MICALL2: variants seen among roughly 807,000 people sequenced by gnomAD.
MICALL2 encodes the protein MICAL-like protein 2.
Under a neutral mutation model 91.1 loss-of-function variants are expected in MICALL2, and 111 were observed. The observed-to-expected ratio is 1.22, with a 90% confidence interval of 1.04 to 1.43. The LOEUF (loss-of-function observed/expected upper bound fraction) is 1.43, where lower values mean the gene tolerates loss of function less well. Among genes scored for constraint, MICALL2 ranks in the 40% most tolerant of loss-of-function variants. The pLI is 0.00. For missense variants in MICALL2, 1,556 were observed against 1,236.0 expected (o/e 1.26, Z -3.88); for synonymous variants, 694 against 525.3 (o/e 1.32, Z -4.39).
chr7:1,440,411 C>T lies in MICALL2; in HGVS notation c.1805+180G>A. 5 of 658,666 alleles carry T rather than the reference C, an allele frequency of 7.6e-6. 1 individual carries two copies. The highest frequency in any genetic ancestry group is 5.3e-5 in the South Asian group (3 of 56,668). 40.8% of individuals were successfully genotyped at this position (658,666 alleles called of 1,614,324 possible). On this transcript the variant is annotated intron_variant, in intron 8 of 16. Transcript: ENST00000297508. ...TGCCCAGGTGAGACACGCAACGCTGCCCCCAAACCAGGGACAGCGGCCCCC... is the reference window on the plus strand; with the variant it reads ...TGCCCAGGTGAGACACGCAACGCTGTCCCCAAACCAGGGACAGCGGCCCCC...
chr7:1,437,758 G>T (rs559102742), intron 13 of MICALL2, 132 bp downstream of exon 13: 3 of 1,222,462 alleles, frequency 2.5e-6, no homozygotes, highest in South Asian at 2.6e-5. Flanking sequence ...CACCCAGACC[G>T]CAACGAGGTC....
At position 1,436,893 on chromosome 7, in the gene MICALL2, CACT is replaced by C. The variant is rs540832606; in HGVS notation, c.2477-40_2477-38del. 4,271 of 1,434,672 alleles carry C rather than the reference CACT, an allele frequency of 3.0e-3. 11 individuals are homozygous for C. Among genetic ancestry groups the C allele is most frequent in the Non-Finnish European group, 3.4e-3 (3,669 of 1,065,626 alleles). The allele number at this position is 1,434,672 out of a possible 1,614,324, so 88.9% of individuals were successfully genotyped here. ...GCTCGTCAGCAGGAGCCCCCCCCAC[CACT>C]GCCATGCCCCTCACAGGACACAATG... On this transcript the variant is annotated intron_variant, in intron 14 of 16. Transcript: ENST00000297508.
At chr7:1,435,615 G>A (rs554099239) in intron 15 of MICALL2, among the ~76,000 whole-genome samples, 22 of 152,360 alleles carry the variant, frequency 1.4e-4, no homozygotes, top group Non-Finnish European at 2.4e-4. Context: ...GCTCCCAGAG[G>A]GTCTCATAGA....
At chr7:1,456,064 C>A (rs543117379) in intron 1 of MICALL2, among the ~76,000 whole-genome samples, 1 of 151,952 alleles carries the variant, frequency 6.6e-6, no homozygotes, top group South Asian at 2.1e-4. Context: ...TCCAGAGGTA[C>A]GGCAGGGAGC....
intron 5 of MICALL2, 150 bp downstream of exon 5, chr7:1,446,563 G>T (rs1284880839): frequency 5.1e-6 from 3 of 585,050 alleles, no homozygotes. Flanking sequence ...GAGGGGAGAC[G>T]GGGAGGGGGA....
intron 5 of MICALL2, 135 bp from the exon 6 acceptor site, chr7:1,445,563 C>A (rs1393823340): frequency 2.5e-6 from 2 of 790,674 alleles, no homozygotes; most frequent in East Asian, 5.4e-5. Flanking sequence ...CCCCGCCACG[C>A]ATTCACCACG....
rs953641218 is a variant in MICALL2 at position 1,452,974 on chromosome 7, C to T, written c.144-2686G>A. On this transcript the variant is annotated intron_variant, in intron 1 of 16. Coordinates refer to ENST00000297508, the MANE Select transcript of MICALL2 (RefSeq NM_182924.4). This position sits in a 1 kb window ranked among gnomAD's most constrained non-coding sequence, Gnocchi z 6.2. ...AGAACAGCTTTTCCCACACTCCGCC[C>T]GATGCACCCGCCAGGCCCTCCCCAG... Among the ~76,000 whole-genome samples, 4 of 151,880 alleles carry T rather than the reference C, an allele frequency of 2.6e-5. No individual in the cohort carries two copies. The highest frequency in any genetic ancestry group is 1.3e-4 in the Admixed American group (2 of 15,250).
chr7:1,435,907 C>T (rs903834242), intron 15 of MICALL2, among the ~76,000 whole-genome samples: 4 of 151,754 alleles, frequency 2.6e-5, no homozygotes, highest in African/African-American at 9.7e-5. Flanking sequence ...AAAAAATTAG[C>T]CGGGTGTGGT....
chr7:1,435,534 G>C (rs1028256873), intron 15 of MICALL2, among the ~76,000 whole-genome samples: 2 of 152,230 alleles, frequency 1.3e-5, no homozygotes, highest in African/African-American at 4.8e-5. Flanking sequence ...TGGGACAGGA[G>C]GGCCTGGGCC....
In MICALL2 at chr7:1,436,551, C is replaced by CAAAAAAAAAAAA. The variant is rs59955608; in HGVS notation, c.2591+179_2591+190dup. 1.7e-3 allele frequency among the ~76,000 whole-genome samples: 130 copies of CAAAAAAAAAAAA among 74,444 alleles called. 1 individual carries two copies. Among genetic ancestry groups the CAAAAAAAAAAAA allele is most frequent in the Non-Finnish European group, 2.0e-3 (72 of 36,570 alleles). The allele number at this position is 74,444 out of a possible 152,430, so 48.8% of individuals were successfully genotyped here. A position where few individuals can be genotyped will look rare whatever the true frequency, so the allele number is the denominator to read the frequency against. ...CTGGTGACAGAGCAAGACTCTGTCT[C>CAAAAAAAAAAAA]AAAAAAAAAAAAAAAAAAGACTTCA... On this transcript the variant is annotated intron_variant, in intron 15 of 16. Transcript: ENST00000297508.
intron 7 of MICALL2, 31 bp from the exon 8 acceptor site, chr7:1,440,715 G>A (rs756577848): frequency 1.3e-6 from 2 of 1,580,602 alleles, no homozygotes; most frequent in South Asian, 1.1e-5. Context: ...CTGGGTGTGA[G>A]GAAGGAGTGC....
At chr7:1,446,571 G>GGAGGGGGGAGGAGGGGAGAGGGGA in intron 5 of MICALL2, 142 bp downstream of exon 5, 2 of 585,938 alleles carry the variant, frequency 3.4e-6, no homozygotes, top group Non-Finnish European at 6.1e-6. Context: ...ACGGGGAGGG[G>GGAGGGGGGAGGAGGGGAGAGGGGA]GAGGGGGGAG....
At chr7:1,448,513 TGGGGG>T in intron 3 of MICALL2, 102 bp downstream of exon 3, 2 of 859,358 alleles carry the variant, frequency 2.3e-6, no homozygotes, top group Non-Finnish European at 3.5e-6. Context: ...GGGCCATTCT[TGGGGG>T]GGGGGCTGGG....
At chr7:1,449,512 T>C (rs1418985309) in intron 2 of MICALL2, among the ~76,000 whole-genome samples, 3 of 152,266 alleles carry the variant, frequency 2.0e-5, no homozygotes, top group Admixed American at 6.5e-5. Flanking sequence ...GGTTTCACCA[T>C]GAACTTGTAA....
At position 1,442,225 on chromosome 7, in the gene MICALL2, T is replaced by C. The variant is rs1584210312; in HGVS notation, c.1678A>G (p.Met560Val). ...AAGGTGGTGCTTTTACCCTTTGCCATCGGGGCCTCTGGCTTCGGCCTGGAG... is the reference window on the plus strand; with the variant it reads ...AAGGTGGTGCTTTTACCCTTTGCCACCGGGGCCTCTGGCTTCGGCCTGGAG... ...AGSRPKPEAP[M>V]AKGKSTTLTQ... Residue 560 changes from methionine (M) to valine (V), a missense_variant, in exon 7 of 17, where the codon ATG (methionine) becomes GTG (valine). Met to Val is a conservative substitution (Grantham distance 21). Transcript: ENST00000297508. 6.2e-7 allele frequency: 1 copy of C among 1,612,708 alleles called. No homozygotes were observed. Among genetic ancestry groups the C allele is most frequent in the African/African-American group, 1.3e-5 (1 of 75,014 alleles).
chr7:1,447,420 C>T (rs1184804847), intron 4 of MICALL2, among the ~76,000 whole-genome samples, 155 bp downstream of exon 4: 2 of 152,306 alleles, frequency 1.3e-5, no homozygotes, highest in East Asian at 1.9e-4. Context: ...GAGCCCGGTC[C>T]TGGCGGCTCT....
intron 16 of MICALL2, 131 bp from the exon 17 acceptor site, chr7:1,434,803 A>G: frequency 9.9e-7 from 1 of 1,005,850 alleles, no homozygotes. Context: ...CCGAGCCTGC[A>G]GGAAGCCCTG....
chr7:1,445,172 C>A lies in MICALL2; in HGVS notation c.898G>T (p.Val300Phe). Residue 300 changes from valine to phenylalanine, a missense_variant, in exon 6 of 17, where the codon GTT becomes TTT. By Grantham distance (50) the Val-to-Phe change is conservative (BLOSUM62 -1). Transcript: ENST00000297508. ...AAGNSPARAS[V>F]PAAPNPAATS... ...GCTGCAGGGTTGGGTGCAGCTGGAA[C>A]GGAAGCCCTGGCAGGCGAGTTGCCC... is the stretch of plus-strand genomic sequence containing the variant. The A allele has an allele frequency of 2.5e-6, 4 of 1,584,542 alleles. No homozygotes were observed. In the South Asian group the frequency reaches 4.6e-5, roughly 18 times the overall value.
Position 1,434,495 on chromosome 7 carries a change from G to A in MICALL2, c.*101C>T. On this transcript the variant is annotated 3_prime_UTR_variant, in exon 17 of 17. Transcript: ENST00000297508. ...ATGCCGGGTCCGGGCCGAGCCCACG[G>A]CCCCGAGTACAAGTCCGGGTTCCGG... The A allele has an allele frequency of 2.8e-6, 3 of 1,074,616 alleles. No individual in the cohort carries two copies. Among genetic ancestry groups the A allele is most frequent in the Non-Finnish European group, 4.3e-6 (3 of 692,936 alleles). The allele number at this position is 1,074,616 out of a possible 1,614,324, so 66.6% of individuals were successfully genotyped here.
Sources: gnomAD v4.1 joint callset for allele counts (sites outside exome capture counted in the v4.1 genomes callset) on GRCh38, gnomAD v4.1.1 for gene constraint, Gnocchi (gnomAD v3.1) non-coding constraint, MANE v1.5 for transcripts, NCBI Gene and HGNC (gene_info 2026-07-23, HGNC 2026-07-21) for gene names.